The following DYNC1I1 variants were observed in gnomAD, a reference collection of about 807,000 sequenced individuals.
The protein encoded by DYNC1I1 is dynein cytoplasmic 1 intermediate chain 1.
A neutral mutation model predicts 86.6 loss-of-function variants in DYNC1I1; 43 were observed. The observed-to-expected ratio is 0.50, with a 90% CI of 0.39 to 0.64. The LOEUF is 0.64. Ranked by LOEUF, DYNC1I1 falls within the 30% of genes least tolerant of loss-of-function variation. DYNC1I1 has a pLI of 0.00. For synonymous variants in DYNC1I1, 262 were observed against 283.7 expected (o/e 0.92, Z 0.77); for missense variants, 604 against 788.8 (o/e 0.77, Z 2.81).
At chr7:95,807,455 C>A (rs551658166) in intron 2 of DYNC1I1, among the ~76,000 whole-genome samples, 5 of 152,102 alleles carry the variant, frequency 3.3e-5, no homozygotes, top group African/African-American at 9.7e-5. Context: ...CACCCCCTAC[C>A]CCAATTCGCA....
downstream of DYNC1I1, among the ~76,000 whole-genome samples, chr7:96,103,263 T>C (rs1791163483): frequency 6.6e-6 from 1 of 152,212 alleles, no homozygotes; most frequent in Non-Finnish European, 1.5e-5. Context: ...TTATACCACA[T>C]TCAGGATGAA....
chr7:95,904,183 G>C (rs1791113083), intron 6 of DYNC1I1, among the ~76,000 whole-genome samples: 1 of 152,092 alleles, frequency 6.6e-6, no homozygotes, highest in South Asian at 2.1e-4. Context: ...TGGTGCAAGG[G>C]CATCACATCA....
At chr7:95,846,621 C>CTG (rs750813234) in intron 5 of DYNC1I1, among the ~76,000 whole-genome samples, 15,293 of 118,754 alleles carry the variant, frequency 0.13, 985 homozygotes, top group East Asian at 0.18. Context: ...TGATAAATCT[C>CTG]TCTCTCTGTG....
chr7:96,086,800 A>G (rs1790694364), intron 16 of DYNC1I1, among the ~76,000 whole-genome samples: 1 of 152,226 alleles, frequency 6.6e-6, no homozygotes, highest in African/African-American at 2.4e-5. Flanking sequence ...TTTTAAAGCC[A>G]AAACGAAAAA....
At chr7:95,975,672 C>T (rs1793285798) in intron 6 of DYNC1I1, among the ~76,000 whole-genome samples, 1 of 152,142 alleles carries the variant, frequency 6.6e-6, no homozygotes, top group Non-Finnish European at 1.5e-5. Context: ...CACAGTTCAA[C>T]CCATAGTTCT....
At chr7:95,898,893 T>C (rs1264213479) in intron 6 of DYNC1I1, among the ~76,000 whole-genome samples, 1 of 152,100 alleles carries the variant, frequency 6.6e-6, no homozygotes. Flanking sequence ...ATTATGGAAA[T>C]GGGAATCTCT....
chr7:95,827,915 G>A (rs568470186), intron 4 of DYNC1I1, 142 bp from the exon 5 acceptor site: 9 of 710,770 alleles, frequency 1.3e-5, no homozygotes, highest in Non-Finnish European at 2.2e-5. Flanking sequence ...GTCACTGGGG[G>A]TGGAGGGGAT....
intron 1 of DYNC1I1, among the ~76,000 whole-genome samples, chr7:95,796,680 T>G (rs913717172): frequency 1.3e-5 from 2 of 152,136 alleles, no homozygotes; most frequent in Non-Finnish European, 1.5e-5. Flanking sequence ...TCCCTCTGTT[T>G]AGATTATTTA....
At chr7:95,998,828 AGTGG>A (rs1195374761) in intron 10 of DYNC1I1, among the ~76,000 whole-genome samples, 61 of 152,330 alleles carry the variant, frequency 4.0e-4, no homozygotes, top group African/African-American at 1.2e-3. Context: ...TGTGTCAGTC[AGTGG>A]AAAGCAAATG....
At chr7:95,940,957 G>A (rs1257098061) in intron 6 of DYNC1I1, among the ~76,000 whole-genome samples, 2 of 152,170 alleles carry the variant, frequency 1.3e-5, no homozygotes, top group Non-Finnish European at 2.9e-5. Flanking sequence ...TGATGATGGT[G>A]ATGTACAGAT....
At chr7:95,980,536 CTTTT>C (rs56835338) in intron 7 of DYNC1I1, among the ~76,000 whole-genome samples, 8 of 54,442 alleles carry the variant, frequency 1.5e-4, no homozygotes, top group Non-Finnish European at 2.4e-4. Flanking sequence ...AGAAATCTGG[CTTTT>C]TTTTTTTTTT....
intron 10 of DYNC1I1, among the ~76,000 whole-genome samples, chr7:95,997,377 C>T (rs571439502): frequency 7.9e-5 from 12 of 151,656 alleles, no homozygotes; most frequent in Admixed American, 1.3e-4. Flanking sequence ...AAAAACAGTG[C>T]CTTTTAAATT....
chr7:96,039,958 G>T (rs1363489033), intron 14 of DYNC1I1, among the ~76,000 whole-genome samples: 3 of 152,114 alleles, frequency 2.0e-5, no homozygotes, highest in Non-Finnish European at 4.4e-5. Context: ...TTCTGGCTGG[G>T]AGCTGTGGCT....
intron 5 of DYNC1I1, among the ~76,000 whole-genome samples, chr7:95,860,152 C>T (rs1789838345): frequency 6.6e-6 from 1 of 152,152 alleles, no homozygotes; most frequent in African/African-American, 2.4e-5. Context: ...CATTTTGCTC[C>T]ACCCCTCTCT....
intron 5 of DYNC1I1, among the ~76,000 whole-genome samples, chr7:95,844,041 A>C (rs182192104): frequency 6.6e-6 from 1 of 152,194 alleles, no homozygotes; most frequent in Admixed American, 6.5e-5. Context: ...CATAAATGCA[A>C]ATATTCCCAT....
chr7:95,772,922 C>T (rs1219371234), intron 1 of DYNC1I1, 149 bp downstream of exon 1: 1 of 152,770 alleles, frequency 6.5e-6, no homozygotes, highest in Non-Finnish European at 1.5e-5. Context: ...GGCCCCCTGC[C>T]CAGGCTCCTG....
At chr7:95,990,167 C>G (rs1250190228) in intron 9 of DYNC1I1, among the ~76,000 whole-genome samples, 1 of 152,120 alleles carries the variant, frequency 6.6e-6, no homozygotes, top group East Asian at 1.9e-4. Flanking sequence ...TGGAAGAAAT[C>G]TGGGAAGCTG....
intron 6 of DYNC1I1, among the ~76,000 whole-genome samples, chr7:95,974,311 C>T (rs1260922937): frequency 6.6e-6 from 1 of 152,162 alleles, no homozygotes; most frequent in Non-Finnish European, 1.5e-5. Context: ...GTGCCCAGCA[C>T]CTGGCACATA....
chr7:96,069,492 A>G (rs1193952126), intron 14 of DYNC1I1, among the ~76,000 whole-genome samples: 1 of 152,210 alleles, frequency 6.6e-6, no homozygotes. Context: ...AATTGGCTGT[A>G]AGAGGTAATT....
Sources: gnomAD v4.1 joint callset for allele counts (sites outside exome capture counted in the v4.1 genomes callset) on GRCh38, gnomAD v4.1.1 for gene constraint, MANE v1.5 for transcripts, NCBI Gene and HGNC (gene_info 2026-07-23, HGNC 2026-07-21) for gene names.